The following SULF1 variants were observed in gnomAD, a reference collection of about 807,000 sequenced individuals.
The protein encoded by SULF1 is sulfatase 1.
Under a neutral mutation model 110.5 loss-of-function variants are expected in SULF1, and 46 were observed. The ratio of observed to expected loss-of-function variants is 0.42; its 90% CI spans 0.33 to 0.53. SULF1 has a LOEUF of 0.53. Among genes scored for constraint, SULF1 ranks in the 20% least tolerant of loss-of-function variants. The pLI is 0.12. For missense variants in SULF1, 941 were observed against 1,094.2 expected (o/e 0.86, Z 1.98); for synonymous variants, 371 against 387.1 (o/e 0.96, Z 0.49).
chr8:69,653,147 G>A (rs1812478665), intron 22 of SULF1, among the ~76,000 whole-genome samples: 1 of 152,060 alleles, frequency 6.6e-6, no homozygotes, highest in South Asian at 2.1e-4. Flanking sequence ...ATGGCTCACT[G>A]CAGCCTCAGC....
Position 69,603,319 on chromosome 8 carries a change from A to T in SULF1, c.1189A>T (p.Arg397Trp). 6.2e-7 allele frequency: 1 copy of T among 1,614,074 alleles called. No individual in the cohort carries two copies. The highest frequency in any genetic ancestry group is 8.5e-7 in the Non-Finnish European group (1 of 1,180,026). ...KLLDPEKPGN[R>W]FRTNKKAKIW... ...TCTGGACCCAGAAAAGCCAGGTAAC[A>T]GGTGTGTCATTGTTCCTCCTCTCAG... Residue 397 changes from arginine (R) to tryptophan (W), a missense_variant and splice_region_variant, in exon 11 of 23, where the codon AGG becomes TGG. By Grantham distance (101) the Arg-to-Trp change is moderately radical. This residue lies in a region of SULF1 where 822 missense variants were observed against 934.3 expected (regional missense o/e 0.88). Transcript: ENST00000402687.
In SULF1 at chr8:69,629,610, T is replaced by G. The variant is rs1586590457; in HGVS notation, c.2215T>G (p.Cys739Gly). Residue 739 changes from cysteine (C) to glycine (G), a missense_variant, in exon 19 of 23, where the codon TGC becomes GGC. Coordinates refer to ENST00000402687, the MANE Select transcript of SULF1 (RefSeq NM_001128205.2). ...GAGACGGCAGAGGAAGGGGGAAGAGTGCAGCCTGCCTGGCCTCACTTGCTT... is the reference window on the plus strand; with the variant it reads ...GAGACGGCAGAGGAAGGGGGAAGAGGGCAGCCTGCCTGGCCTCACTTGCTT... ...EKRRQRKGEE[C>G]SLPGLTCFTH... The G allele has an allele frequency of 6.2e-7, 1 of 1,613,190 alleles. No homozygotes were observed. The highest frequency in any genetic ancestry group is 2.2e-5 in the East Asian group (1 of 44,788).
intron 3 of SULF1, among the ~76,000 whole-genome samples, chr8:69,546,702 A>G (rs1814281352): frequency 6.6e-6 from 1 of 152,232 alleles, no homozygotes; most frequent in South Asian, 2.1e-4. Context: ...TTGTAGACAT[A>G]TTGTTACCAA....
chr8:69,583,192 T>A (rs1295251172), intron 6 of SULF1, among the ~76,000 whole-genome samples: 1 of 152,144 alleles, frequency 6.6e-6, no homozygotes, highest in African/African-American at 2.4e-5. Context: ...AAAAATAATA[T>A]AATAAGAAAT....
chr8:69,595,249 G>A (rs1461394425), intron 8 of SULF1, among the ~76,000 whole-genome samples: 2 of 152,280 alleles, frequency 1.3e-5, no homozygotes, highest in Admixed American at 6.5e-5. Context: ...AACTAGAGCT[G>A]AAACTCAATT....
At chr8:69,570,925 G>A (rs1331205912) in intron 5 of SULF1, among the ~76,000 whole-genome samples, 1 of 152,174 alleles carries the variant, frequency 6.6e-6, no homozygotes, top group Non-Finnish European at 1.5e-5. Context: ...CATCAAGCCA[G>A]CCCAGTCAGC....
chr8:69,474,161 T>C (rs1398634591), intron 1 of SULF1, among the ~76,000 whole-genome samples: 1 of 152,208 alleles, frequency 6.6e-6, no homozygotes, highest in Non-Finnish European at 1.5e-5. Context: ...TCTGCTATAT[T>C]AATTTAAAGT....
At chr8:69,606,552 A>G (rs1402333516) in intron 13 of SULF1, among the ~76,000 whole-genome samples, 3 of 152,222 alleles carry the variant, frequency 2.0e-5, no homozygotes, top group Non-Finnish European at 4.4e-5. Flanking sequence ...AGAGGTGAAC[A>G]TTATAGCCTT....
At chr8:69,627,370 T>A in intron 16 of SULF1, 64 bp downstream of exon 16, 6 of 1,217,832 alleles carry the variant, frequency 4.9e-6, no homozygotes, top group Non-Finnish European at 6.1e-6. Context: ...CCAGCCCTGC[T>A]GTGTCTGGTG....
intron 3 of SULF1, among the ~76,000 whole-genome samples, chr8:69,541,080 G>T (rs1178962962): frequency 6.6e-6 from 1 of 152,150 alleles, no homozygotes. Flanking sequence ...ACATAAGTGT[G>T]GGTTTGGGAG....
chr8:69,648,134 C>A (rs1812069145), intron 22 of SULF1, among the ~76,000 whole-genome samples: 1 of 143,114 alleles, frequency 7.0e-6, no homozygotes, highest in African/African-American at 2.8e-5. Flanking sequence ...AACCCTGTGC[C>A]TTCAGAAAAA....
intron 8 of SULF1, among the ~76,000 whole-genome samples, chr8:69,593,337 G>A (rs1266892710): frequency 6.6e-6 from 1 of 152,220 alleles, no homozygotes; most frequent in African/African-American, 2.4e-5. Context: ...AAAGGGATGC[G>A]AGAAGTTAAG....
chr8:69,655,861 G>A (rs367944551), intron 22 of SULF1, among the ~76,000 whole-genome samples: 5 of 152,110 alleles, frequency 3.3e-5, no homozygotes, highest in Admixed American at 6.5e-5. Flanking sequence ...TATTTCTAGC[G>A]TGTCCTATAA....
chr8:69,519,279 G>T (rs1812136759), intron 3 of SULF1, among the ~76,000 whole-genome samples: 1 of 152,208 alleles, frequency 6.6e-6, no homozygotes. Context: ...TGCATTCTCA[G>T]TATCTAACAT....
chr8:69,638,404 A>G, intron 19 of SULF1, 98 bp from the exon 20 acceptor site: 1 of 1,344,886 alleles, frequency 7.4e-7, no homozygotes, highest in South Asian at 1.3e-5. Context: ...GAAATTGTGA[A>G]CTTTAAAGTG....
intron 16 of SULF1, 148 bp downstream of exon 16, chr8:69,627,454 C>T: frequency 1.6e-6 from 1 of 644,028 alleles, no homozygotes. Context: ...TGTCTTTCTC[C>T]AGTGATTTAA....
chr8:69,625,324 G>A (rs1226213927), intron 15 of SULF1, among the ~76,000 whole-genome samples: 1 of 152,250 alleles, frequency 6.6e-6, no homozygotes, highest in East Asian at 1.9e-4. Flanking sequence ...GATGATCTTA[G>A]TCACAGAGCT....
At chr8:69,493,447 CTA>C (rs1491096752) in intron 1 of SULF1, among the ~76,000 whole-genome samples, 1 of 111,752 alleles carries the variant, frequency 8.9e-6, no homozygotes, top group Non-Finnish European at 1.8e-5. Flanking sequence ...ACACACAACA[CTA>C]CACACACACA....
intron 3 of SULF1, among the ~76,000 whole-genome samples, chr8:69,548,240 C>T (rs769960501): frequency 5.3e-5 from 8 of 152,172 alleles, no homozygotes; most frequent in South Asian, 2.1e-4. Flanking sequence ...CTCCCTAGCA[C>T]GTTAGAAGAC....
Sources: allele counts gnomAD v4.1 joint callset (sites outside exome capture counted in the v4.1 genomes callset), GRCh38; gene constraint gnomAD v4.1.1; regional missense constraint gnomAD v4.1.1; transcripts MANE v1.5; gene names NCBI Gene and HGNC (gene_info 2026-07-23, HGNC 2026-07-21).